The following MACROD2 variants were observed in gnomAD, a reference collection of about 807,000 sequenced individuals.
MACROD2 encodes mono-ADP ribosylhydrolase 2.
A neutral mutation model predicts 70.4 loss-of-function variants in MACROD2; 36 were observed. That is an observed-to-expected ratio of 0.51 (90% CI 0.39 to 0.68). The LOEUF (loss-of-function observed/expected upper bound fraction) is 0.68. MACROD2 is among the 30% of genes least tolerant of loss of function. The pLI is 0.00. For synonymous variants in MACROD2, 172 were observed against 178.8 expected, an observed-to-expected ratio of 0.96 and a Z score of 0.30; for missense variants, 496 against 538.4, an observed-to-expected ratio of 0.92 and a Z score of 0.78.
At chr20:14,069,918 T>G (rs1158123667) in intron 2 of MACROD2, among the ~76,000 whole-genome samples, 1 of 151,788 alleles carries the variant, frequency 6.6e-6, no homozygotes, top group South Asian at 2.1e-4. Context: ...CCCTGGCTAG[T>G]ATATTGGAGA....
chr20:14,272,288 CT>C (rs1490237092), intron 3 of MACROD2, among the ~76,000 whole-genome samples: 5 of 152,208 alleles, frequency 3.3e-5, no homozygotes, highest in African/African-American at 1.2e-4. Context: ...AGACTAACAG[CT>C]GATCTCTCGG....
chr20:15,296,767 G>C (rs997906499), intron 6 of MACROD2, among the ~76,000 whole-genome samples: 7 of 151,402 alleles, frequency 4.6e-5, no homozygotes, highest in African/African-American at 1.7e-4. Flanking sequence ...TTTTTCTATG[G>C]TGTTATCAGA....
chr20:15,239,686 T>C (rs569527006), intron 6 of MACROD2, among the ~76,000 whole-genome samples: 6 of 152,296 alleles, frequency 3.9e-5, no homozygotes, highest in South Asian at 4.1e-4. Flanking sequence ...TCCCGGAGGA[T>C]GCACAACAGA....
chr20:14,567,891 G>T (rs1486843703), intron 4 of MACROD2, among the ~76,000 whole-genome samples: 1 of 151,962 alleles, frequency 6.6e-6, no homozygotes, highest in Non-Finnish European at 1.5e-5. Flanking sequence ...TCTTCATTAT[G>T]AATAACATAG....
chr20:14,399,225 T>G (rs565475015), intron 3 of MACROD2, among the ~76,000 whole-genome samples: 21 of 152,172 alleles, frequency 1.4e-4, no homozygotes, highest in Non-Finnish European at 2.8e-4. Context: ...TTCATCATGT[T>G]CGTTAGGCTG....
At chr20:14,027,573 T>C (rs2053188383) in intron 2 of MACROD2, among the ~76,000 whole-genome samples, 1 of 152,102 alleles carries the variant, frequency 6.6e-6, no homozygotes, top group Non-Finnish European at 1.5e-5. Context: ...CCTTTTTGCA[T>C]TGGTTTTTCC....
intron 6 of MACROD2, among the ~76,000 whole-genome samples, chr20:15,384,810 T>G (rs2045691030): frequency 6.6e-6 from 1 of 152,174 alleles, no homozygotes; most frequent in African/African-American, 2.4e-5. Context: ...AAAATAAACT[T>G]TATAGAACTA....
At chr20:14,499,778 TCTTCCTTCCTTTCCCTGTTTCCCTC>T (rs1218061280) in intron 4 of MACROD2, among the ~76,000 whole-genome samples, 17 of 152,196 alleles carry the variant, frequency 1.1e-4, no homozygotes, top group African/African-American at 4.1e-4. Flanking sequence ...TTCTTTGCTT[TCTTCCTTCCTTTCCCTGTTTCCCTC>T]CTTCCTTCCT....
intron 15 of MACROD2, among the ~76,000 whole-genome samples, chr20:16,022,132 G>A (rs561878413): frequency 7.0e-6 from 1 of 142,260 alleles, no homozygotes; most frequent in African/African-American, 2.6e-5. Flanking sequence ...CTCACTGCAA[G>A]CTCTGCCTCC....
intron 5 of MACROD2, among the ~76,000 whole-genome samples, chr20:14,828,178 A>G (rs530488718): frequency 3.3e-5 from 5 of 152,164 alleles, no homozygotes; most frequent in African/African-American, 1.2e-4. Context: ...TGCTTTATAT[A>G]TATTGTTTTG....
At chr20:15,721,152 G>T (rs1248047099) in intron 8 of MACROD2, among the ~76,000 whole-genome samples, 4 of 152,170 alleles carry the variant, frequency 2.6e-5, no homozygotes, top group Admixed American at 2.6e-4. Context: ...TTCATGGCAT[G>T]CCATGAGCAT....
intron 5 of MACROD2, among the ~76,000 whole-genome samples, chr20:14,800,210 A>T (rs2072558192): frequency 6.6e-6 from 1 of 151,936 alleles, no homozygotes; most frequent in Admixed American, 6.6e-5. Context: ...AGGCGAGAAA[A>T]TTTCATAAAA....
At chr20:15,702,649 C>T (rs950182598) in intron 8 of MACROD2, among the ~76,000 whole-genome samples, 4 of 152,170 alleles carry the variant, frequency 2.6e-5, no homozygotes, top group Non-Finnish European at 4.4e-5. Flanking sequence ...GTTTCTTTTA[C>T]TGTCAAGAGG....
At chr20:15,458,633 TTTTTTTAA>T (rs772922908) in intron 7 of MACROD2, among the ~76,000 whole-genome samples, 20 of 140,978 alleles carry the variant, frequency 1.4e-4, no homozygotes, top group African/African-American at 5.9e-4. Flanking sequence ...TTTTGTTTTT[TTTTTTTAA>T]AAAAAAAAAA....
In MACROD2 at chr20:15,499,780, C is replaced by G; in HGVS notation, c.578C>G (p.Pro193Arg). 1.9e-6 allele frequency: 3 copies of G among 1,613,694 alleles called. No individual in the cohort carries two copies. The highest frequency in any genetic ancestry group is 2.5e-6 in the Non-Finnish European group (3 of 1,179,722). Reference protein sequence around the residue: ...PCISTGIYGFPNEPAAVIALN... With the variant: ...PCISTGIYGFRNEPAAVIALN... ...TTTCCTGCTCTTCATCTAGGCTTTC[C>G]CAACGAGCCTGCTGCAGTCATTGCC... Residue 193 changes from proline to arginine, a missense_variant, in exon 8 of 18, where the codon CCC becomes CGC. By Grantham distance (103) the Pro-to-Arg change is moderately radical. Transcript: ENST00000684519.
chr20:14,329,294 C>G (rs1466234358), intron 3 of MACROD2: 2 of 152,052 alleles, frequency 1.3e-5, no homozygotes, highest in Non-Finnish European at 2.9e-5. Flanking sequence ...CTTTATATTT[C>G]TCTTCCTTAA....
chr20:15,491,431 C>T (rs997270924), intron 7 of MACROD2, among the ~76,000 whole-genome samples: 21 of 152,158 alleles, frequency 1.4e-4, no homozygotes, highest in African/African-American at 5.1e-4. Flanking sequence ...TTTGACTACC[C>T]CCAAAAAGCA....
chr20:15,542,179 C>G (rs954470481), intron 8 of MACROD2, among the ~76,000 whole-genome samples: 2 of 152,134 alleles, frequency 1.3e-5, no homozygotes, highest in Admixed American at 1.3e-4. Context: ...GGAGTCAGAT[C>G]GACATCTTCA....
chr20:14,582,145 C>G (rs1430664302), intron 4 of MACROD2, among the ~76,000 whole-genome samples: 1 of 152,088 alleles, frequency 6.6e-6, no homozygotes, highest in East Asian at 1.9e-4. Flanking sequence ...GTGCACAAGT[C>G]CTCATCTCAA....
Sources: gnomAD v4.1 joint callset for allele counts (sites outside exome capture counted in the v4.1 genomes callset) on GRCh38, gnomAD v4.1.1 for gene constraint, MANE v1.5 for transcripts, NCBI Gene and HGNC (gene_info 2026-07-23, HGNC 2026-07-21) for gene names.